AUTS2: variants seen among roughly 807,000 people sequenced by gnomAD.
The protein encoded by AUTS2 is autism susceptibility gene 2 protein.
In AUTS2, 17 loss-of-function variants were observed where a neutral mutation model predicts 112.4. The ratio of observed to expected loss-of-function variants is 0.15; its 90% CI spans 0.10 to 0.23. The LOEUF is 0.23. Ranked by LOEUF, AUTS2 falls within the 10% of genes least tolerant of loss-of-function variation. AUTS2 has a pLI of 1.00. For missense variants in AUTS2, 1,510 were observed against 1,701.6 expected, an observed-to-expected ratio of 0.89 and a Z score of 1.98; for synonymous variants, 751 against 702.7, an observed-to-expected ratio of 1.07 and a Z score of -1.09.
chr7:69,933,042 C>T (rs1365106239), intron 2 of AUTS2, among the ~76,000 whole-genome samples: 1 of 152,202 alleles, frequency 6.6e-6, no homozygotes, highest in Admixed American at 6.5e-5. Context: ...TTCTGTTGAT[C>T]TGCACGTTGG....
At chr7:70,297,937 C>T (rs888215536) in intron 4 of AUTS2, among the ~76,000 whole-genome samples, 5 of 152,064 alleles carry the variant, frequency 3.3e-5, no homozygotes, top group African/African-American at 2.4e-5. Context: ...TGGGAGAGCT[C>T]GGAATTGAGG....
At chr7:69,829,784 G>A (rs1425687544) in intron 1 of AUTS2, among the ~76,000 whole-genome samples, 1 of 152,164 alleles carries the variant, frequency 6.6e-6, no homozygotes, top group Non-Finnish European at 1.5e-5. Context: ...TTACACTGTT[G>A]GTGGGAATGT....
chr7:70,679,301 G>A (rs974698454), intron 5 of AUTS2, among the ~76,000 whole-genome samples: 2 of 152,208 alleles, frequency 1.3e-5, no homozygotes, highest in Non-Finnish European at 2.9e-5. Context: ...TCTGAAGCCA[G>A]GAACGTTGTG....
intron 1 of AUTS2, among the ~76,000 whole-genome samples, chr7:69,685,919 T>G (rs1469801026): frequency 6.6e-6 from 1 of 151,936 alleles, no homozygotes; most frequent in African/African-American, 2.4e-5. Context: ...ACAATAATCT[T>G]TAGAGGAAAT....
At chr7:69,614,068 A>G (rs991165691) in intron 1 of AUTS2, among the ~76,000 whole-genome samples, 2 of 152,214 alleles carry the variant, frequency 1.3e-5, no homozygotes, top group Admixed American at 6.5e-5. Flanking sequence ...AACTGCATTT[A>G]GAGTACTGTA....
chr7:69,829,638 CCAA>C (rs1311094132), intron 1 of AUTS2, among the ~76,000 whole-genome samples: 9 of 151,914 alleles, frequency 5.9e-5, no homozygotes, highest in Admixed American at 2.0e-4. Context: ...GAAAAAAAGC[CCAA>C]CATCACTGAT....
intron 4 of AUTS2, among the ~76,000 whole-genome samples, chr7:70,176,028 A>G (rs1808968899): frequency 6.6e-6 from 1 of 152,184 alleles, no homozygotes; most frequent in African/African-American, 2.4e-5. Context: ...AAAGGCTGAT[A>G]ACCTGGAAGA....
chr7:70,174,206 G>A (rs940508191), intron 4 of AUTS2, among the ~76,000 whole-genome samples: 2 of 152,204 alleles, frequency 1.3e-5, no homozygotes, highest in Non-Finnish European at 2.9e-5. Context: ...GAAATTTTAG[G>A]AGTCTTGATG....
chr7:70,633,045 G>A (rs1378728990), intron 5 of AUTS2, among the ~76,000 whole-genome samples: 1 of 152,212 alleles, frequency 6.6e-6, no homozygotes, highest in African/African-American at 2.4e-5. Context: ...ATGGGGCGAG[G>A]GCTCTGAGAG....
chr7:70,765,411 T>C (rs540295334), intron 8 of AUTS2, among the ~76,000 whole-genome samples: 12 of 152,308 alleles, frequency 7.9e-5, no homozygotes, highest in South Asian at 4.1e-4. Flanking sequence ...TTTCTTTTCA[T>C]TGGGCAGGGC....
At chr7:70,702,962 G>T (rs892569805) in intron 6 of AUTS2, among the ~76,000 whole-genome samples, 1 of 152,146 alleles carries the variant, frequency 6.6e-6, no homozygotes, top group Non-Finnish European at 1.5e-5. Context: ...TGGCAGTATG[G>T]TTCTATCAGC....
intron 1 of AUTS2, among the ~76,000 whole-genome samples, chr7:69,702,757 G>C (rs1797875189): frequency 6.6e-6 from 1 of 152,200 alleles, no homozygotes; most frequent in African/African-American, 2.4e-5. Context: ...GTTCAAGAAT[G>C]TGTATTTTAA....
At chr7:70,545,048 T>C (rs943923728) in intron 5 of AUTS2, among the ~76,000 whole-genome samples, 2 of 152,180 alleles carry the variant, frequency 1.3e-5, no homozygotes, top group African/African-American at 4.8e-5. Context: ...TTCCCTTCCT[T>C]CATCCTAGCT....
intron 4 of AUTS2, among the ~76,000 whole-genome samples, chr7:70,218,522 A>T (rs532421279): frequency 6.6e-6 from 1 of 152,286 alleles, no homozygotes; most frequent in South Asian, 2.1e-4. Flanking sequence ...CCACTGAGGC[A>T]CACATTTCCA....
intron 5 of AUTS2, among the ~76,000 whole-genome samples, chr7:70,567,828 A>C (rs916813552): frequency 6.6e-6 from 1 of 152,158 alleles, no homozygotes; most frequent in Admixed American, 6.5e-5. Flanking sequence ...CTGACCCCCC[A>C]GGTGTGTTCT....
chr7:70,729,867 T>C (rs1787265691), intron 6 of AUTS2, among the ~76,000 whole-genome samples: 1 of 151,562 alleles, frequency 6.6e-6, no homozygotes, highest in Non-Finnish European at 1.5e-5. Flanking sequence ...TGTATGTATG[T>C]ATGTATGTAT....
chr7:70,221,501 G>A (rs2129592327), intron 4 of AUTS2, among the ~76,000 whole-genome samples: 1 of 152,302 alleles, frequency 6.6e-6, no homozygotes, highest in South Asian at 2.1e-4. Context: ...CCTTCTGTCA[G>A]TCCTTGCCCC....
intron 15 of AUTS2, 73 bp downstream of exon 15, chr7:70,781,829 GGCTCTGAGCTGCC>G: frequency 6.5e-7 from 1 of 1,549,668 alleles, no homozygotes; most frequent in Non-Finnish European, 8.7e-7. Context: ...ATGAGGTTTG[GGCTCTGAGCTGCC>G]GCTCAGTCAC....
chr7:70,568,952 G>C (rs1395550298), intron 5 of AUTS2, among the ~76,000 whole-genome samples: 1 of 152,218 alleles, frequency 6.6e-6, no homozygotes, highest in Non-Finnish European at 1.5e-5. Flanking sequence ...AGTGACAAAT[G>C]GTTCTTGGAA....
Sources: allele counts gnomAD v4.1 joint callset (sites outside exome capture counted in the v4.1 genomes callset), GRCh38; gene constraint gnomAD v4.1.1; transcripts MANE v1.5; gene names NCBI Gene and HGNC (gene_info 2026-07-23, HGNC 2026-07-21).